Variants in SGCG observed in about 807,000 individuals in gnomAD.
The protein encoded by SGCG is gamma-sarcoglycan.
Under a neutral mutation model 29.3 loss-of-function variants are expected in SGCG, and 26 were observed. The ratio of observed to expected loss-of-function variants is 0.89; its 90% CI spans 0.65 to 1.23. The LOEUF is 1.23. Among genes scored for constraint, SGCG ranks in the 50% most tolerant of loss-of-function variants. The pLI is 0.00. For missense variants in SGCG, 353 were observed against 356.0 expected (o/e 0.99, Z 0.07); for synonymous variants, 145 against 129.7 (o/e 1.12, Z -0.80).
the SGCG span, among the ~76,000 whole-genome samples, chr13:23,171,908 C>G: frequency 6.6e-6 from 1 of 152,164 alleles, no homozygotes; most frequent in African/African-American, 2.4e-5. Flanking sequence ...GGTTGGGAAC[C>G]TCTGATCTAA....
chr13:23,194,728 A>G (rs1454007177), intron 1 of SGCG, among the ~76,000 whole-genome samples: 1 of 152,210 alleles, frequency 6.6e-6, no homozygotes, highest in Non-Finnish European at 1.5e-5. Context: ...GTCAGCATGT[A>G]CCACATACAC....
At chr13:23,309,767 T>C (rs1008090620) in intron 6 of SGCG, among the ~76,000 whole-genome samples, 1 of 152,190 alleles carries the variant, frequency 6.6e-6, no homozygotes, top group Non-Finnish European at 1.5e-5. Flanking sequence ...AACTCACATA[T>C]GAAATGAAAG....
intron 3 of SGCG, chr13:23,247,282 T>A (rs1879749790): frequency 6.6e-6 from 1 of 152,270 alleles, no homozygotes; most frequent in Non-Finnish European, 1.5e-5. Flanking sequence ...GGGTCAAGGA[T>A]GTGTTTGAAG....
At chr13:23,298,358 T>C (rs1881989661) in intron 6 of SGCG, among the ~76,000 whole-genome samples, 1 of 151,926 alleles carries the variant, frequency 6.6e-6, no homozygotes, top group Non-Finnish European at 1.5e-5. Flanking sequence ...TCCGTCTTTT[T>C]ATCAAGGGAA....
intron 5 of SGCG, among the ~76,000 whole-genome samples, chr13:23,284,110 T>C (rs539558844): frequency 6.6e-6 from 1 of 152,286 alleles, no homozygotes; most frequent in South Asian, 2.1e-4. Context: ...GAGGAGTACC[T>C]TTGTTGTGTT....
In SGCG at chr13:23,214,592, A is replaced by G. The variant is rs114412253; in HGVS notation, c.195+10703A>G. Among the ~76,000 whole-genome samples, 392 of 152,296 alleles carry G rather than the reference A, an allele frequency of 2.6e-3. 3 individuals carry two copies. Among genetic ancestry groups the G allele is most frequent in the African/African-American group, 7.9e-3 (330 of 41,552 alleles). On this transcript the variant is annotated intron_variant, in intron 2 of 7. Transcript: ENST00000218867. ...TTTCTCTGCACTGTGCTGGTGGCAG[A>G]GATGTGTCTGGTGCCCAGACCAACC...
At chr13:23,323,962 AT>A (rs1170553336) in intron 7 of SGCG, among the ~76,000 whole-genome samples, 1 of 152,230 alleles carries the variant, frequency 6.6e-6, no homozygotes, top group Admixed American at 6.5e-5. Flanking sequence ...ATAAATGTGA[AT>A]CGGGAGAATT....
intron 1 of SGCG, among the ~76,000 whole-genome samples, chr13:23,192,150 G>A (rs1877290865): frequency 2.0e-5 from 3 of 148,458 alleles, no homozygotes; most frequent in South Asian, 4.5e-4. Context: ...ACTCCAGCCT[G>A]GGCGACAGAG....
At chr13:23,229,600 T>C (rs1879029988) in intron 2 of SGCG, among the ~76,000 whole-genome samples, 2 of 152,228 alleles carry the variant, frequency 1.3e-5, no homozygotes, top group Non-Finnish European at 2.9e-5. Context: ...TTTTGAAAAG[T>C]GTTCATGTCC....
the SGCG span, among the ~76,000 whole-genome samples, chr13:23,175,315 G>T: frequency 6.6e-6 from 1 of 152,120 alleles, no homozygotes; most frequent in Non-Finnish European, 1.5e-5. Flanking sequence ...GAAAAGAAGA[G>T]ATTTTATTCT....
chr13:23,274,473 G>A (rs1431738013), intron 4 of SGCG, among the ~76,000 whole-genome samples: 1 of 135,712 alleles, frequency 7.4e-6, no homozygotes, highest in Admixed American at 8.5e-5. Flanking sequence ...TGCGATCTTG[G>A]CTCGCTGCAA....
chr13:23,303,379 A>G (rs913411090), intron 6 of SGCG, among the ~76,000 whole-genome samples: 10 of 152,204 alleles, frequency 6.6e-5, no homozygotes, highest in Non-Finnish European at 1.3e-4. Flanking sequence ...ACTTTCAGAC[A>G]CTGGATAGCA....
intron 3 of SGCG, among the ~76,000 whole-genome samples, chr13:23,243,102 T>C (rs12429009): frequency 0.022 from 3,280 of 152,282 alleles, 77 homozygotes; most frequent in Admixed American, 0.052. Context: ...GTTGGTAATA[T>C]AGATACAGAG....
chr13:23,222,878 A>G (rs1266385753), intron 2 of SGCG, among the ~76,000 whole-genome samples: 1 of 152,028 alleles, frequency 6.6e-6, no homozygotes, highest in African/African-American at 2.4e-5. Context: ...TTCCATGGGC[A>G]TTTTTTATAT....
intron 4 of SGCG, among the ~76,000 whole-genome samples, chr13:23,263,488 G>A (rs4485208): frequency 0.35 from 53,554 of 151,758 alleles, 9,918 homozygotes; most frequent in Non-Finnish European, 0.4. Context: ...AGTAATAGAA[G>A]AAACTGCTGA....
intron 5 of SGCG, among the ~76,000 whole-genome samples, chr13:23,292,669 T>A (rs1881761869): frequency 6.6e-6 from 1 of 152,214 alleles, no homozygotes; most frequent in African/African-American, 2.4e-5. Flanking sequence ...TCATCTTGTT[T>A]ATATAAAAAT....
intron 2 of SGCG, among the ~76,000 whole-genome samples, chr13:23,204,650 T>A (rs12871204): frequency 2.6e-5 from 4 of 151,156 alleles, no homozygotes; most frequent in Non-Finnish European, 5.9e-5. Context: ...CTTTCTCTTC[T>A]TTCCCTTCAT....
At chr13:23,279,281 G>C in intron 4 of SGCG, 78 bp from the exon 5 acceptor site, 1 of 1,337,660 alleles carries the variant, frequency 7.5e-7, no homozygotes, top group Non-Finnish European at 1.1e-6. Flanking sequence ...TTGTAGGGTT[G>C]ACGTGGCATG....
intron 2 of SGCG, among the ~76,000 whole-genome samples, chr13:23,233,939 G>A (rs1879204492): frequency 6.6e-6 from 1 of 152,148 alleles, no homozygotes; most frequent in Non-Finnish European, 1.5e-5. Flanking sequence ...AAGGAGGAAG[G>A]GGTCCAGTGC....
Sources: allele counts gnomAD v4.1 joint callset (sites outside exome capture counted in the v4.1 genomes callset), GRCh38; gene constraint gnomAD v4.1.1; transcripts MANE v1.5; gene names NCBI Gene and HGNC (gene_info 2026-07-23, HGNC 2026-07-21).